The following RAB3C variants were observed in gnomAD, a reference collection of about 807,000 sequenced individuals.
RAB3C encodes ras-related protein Rab-3C.
In RAB3C, 17 loss-of-function variants were observed where a neutral mutation model predicts 26.4. That is an observed-to-expected ratio of 0.64 (90% CI 0.44 to 0.97). The LOEUF (loss-of-function observed/expected upper bound fraction) is 0.97, where lower values mean the gene tolerates loss of function less well. Among genes scored for constraint, RAB3C ranks in the 50% least tolerant of loss-of-function variants. The pLI, the probability that RAB3C is intolerant of heterozygous loss-of-function variation, is 0.00. For missense variants in RAB3C, 242 were observed against 281.9 expected, an observed-to-expected ratio of 0.86 and a Z score of 1.01; for synonymous variants, 91 against 95.9, an observed-to-expected ratio of 0.95 and a Z score of 0.30.
chr5:58,688,549 C>A (rs1748494525), intron 2 of RAB3C, among the ~76,000 whole-genome samples: 1 of 152,088 alleles, frequency 6.6e-6, no homozygotes, highest in Non-Finnish European at 1.5e-5. Context: ...CATAAAGTAA[C>A]AATCTGCTCA....
intron 4 of RAB3C, among the ~76,000 whole-genome samples, chr5:58,832,610 G>A (rs548368754): frequency 6.6e-6 from 1 of 152,296 alleles, no homozygotes; most frequent in African/African-American, 2.4e-5. Flanking sequence ...TTGTAATAGA[G>A]GCATGGACTC....
At chr5:58,728,586 A>G (rs757075246) in intron 3 of RAB3C, among the ~76,000 whole-genome samples, 11 of 152,038 alleles carry the variant, frequency 7.2e-5, no homozygotes, top group Non-Finnish European at 1.6e-4. Flanking sequence ...ACTTCCAGTA[A>G]TATCTTATTA....
At position 58,851,242 on chromosome 5, in the gene RAB3C, G is replaced by A. The variant is rs777452520; in HGVS notation, c.575G>A (p.Cys192Tyr). 1.9e-6 allele frequency: 3 copies of A among 1,613,860 alleles called. No individual in the cohort carries two copies. In the East Asian group the frequency reaches 6.7e-5, roughly 36 times the overall value. Residue 192 changes from cysteine to tyrosine, a missense_variant, in exon 5 of 5, where the codon TGC (cysteine) becomes TAC (tyrosine). Physicochemically the swap from Cys to Tyr is radical, Grantham distance 194 (BLOSUM62 -2). Transcript: ENST00000282878. ...QTFERLVDII[C>Y]DKMSESLETD... ...TTTGAGCGCCTTGTGGATATCATCT[G>A]CGACAAAATGTCAGAGAGTTTGGAG...
At chr5:58,707,884 A>C (rs1048609931) in intron 2 of RAB3C, among the ~76,000 whole-genome samples, 1 of 151,864 alleles carries the variant, frequency 6.6e-6, no homozygotes, top group African/African-American at 2.4e-5. Context: ...ACTAGGATTC[A>C]TTGCTTGGTT....
In RAB3C at chr5:58,761,993, A is replaced by G. The variant is rs550478325; in HGVS notation, c.371+35873A>G. Among the ~76,000 whole-genome samples, 5 of 152,184 alleles carry G rather than the reference A, an allele frequency of 3.3e-5. No homozygotes were observed. The East Asian group carries it at 9.6e-4, about 29-fold the overall frequency. On this transcript the variant is annotated intron_variant, in intron 3 of 4. Transcript: ENST00000282878. ...TTAATTTGCTAGTATGGCATTGACT[A>G]ATAGAAACATCATCTGAGCCACATA...
intron 3 of RAB3C, among the ~76,000 whole-genome samples, chr5:58,744,410 G>T (rs1741345964): frequency 6.6e-6 from 1 of 152,172 alleles, no homozygotes; most frequent in Admixed American, 6.5e-5. Flanking sequence ...GCATGCCTGG[G>T]GTAAATATAT....
rs571777981 is a variant in RAB3C at position 58,631,502 on chromosome 5, G to A, written c.252+13632G>A. The stretch of plus-strand genomic sequence containing the variant: ...TTTAAATTTTAAAATAGTAGTTTGT[G>A]AAGCAAAGGAATGAATGAGCTTTCA... On this transcript the variant is annotated intron_variant, in intron 2 of 4. Transcript: ENST00000282878. Among the ~76,000 whole-genome samples, 10 of 152,276 alleles carry A rather than the reference G, an allele frequency of 6.6e-5. No individual in the cohort carries two copies. In the South Asian group the frequency reaches 1.9e-3, roughly 28 times the overall value.
chr5:58,744,844 G>A (rs898519995), intron 3 of RAB3C, among the ~76,000 whole-genome samples: 1 of 152,088 alleles, frequency 6.6e-6, no homozygotes, highest in Non-Finnish European at 1.5e-5. Context: ...CAATTGAAGG[G>A]TTTTTCCACG....
intron 2 of RAB3C, among the ~76,000 whole-genome samples, chr5:58,618,595 C>T (rs1016454104): frequency 6.6e-6 from 1 of 151,998 alleles, no homozygotes; most frequent in East Asian, 1.9e-4. Context: ...ATTTAGGAGA[C>T]CAGTGAGCAA....
At chr5:58,637,220 C>T (rs1390832438) in intron 2 of RAB3C, among the ~76,000 whole-genome samples, 2 of 151,520 alleles carry the variant, frequency 1.3e-5, no homozygotes, top group Non-Finnish European at 2.9e-5. Context: ...TTTAGTAAGC[C>T]TTTCTGGCTT....
At chr5:58,605,098 G>A (rs1746532172) in intron 1 of RAB3C, among the ~76,000 whole-genome samples, 1 of 152,148 alleles carries the variant, frequency 6.6e-6, no homozygotes, top group Non-Finnish European at 1.5e-5. Context: ...TTCTCCAGTG[G>A]GGTGTGTTTG....
intron 3 of RAB3C, chr5:58,814,835 A>G (rs1222960553): frequency 6.6e-6 from 1 of 152,370 alleles, no homozygotes; most frequent in Non-Finnish European, 1.5e-5. Flanking sequence ...TTAGGAGATC[A>G]GAAGTTGTAA....
intron 2 of RAB3C, among the ~76,000 whole-genome samples, chr5:58,718,309 G>A (rs1301675485): frequency 6.6e-6 from 1 of 152,034 alleles, no homozygotes; most frequent in Non-Finnish European, 1.5e-5. Context: ...TTTTATTAAG[G>A]TCTTGAAGAG....
intron 1 of RAB3C, among the ~76,000 whole-genome samples, chr5:58,613,164 G>A (rs539852592): frequency 2.6e-5 from 4 of 152,152 alleles, no homozygotes; most frequent in African/African-American, 9.6e-5. Context: ...TAGAACTTCT[G>A]GGAAAACAGT....
intron 2 of RAB3C, among the ~76,000 whole-genome samples, chr5:58,624,251 G>A (rs777609199): frequency 1.3e-5 from 2 of 152,108 alleles, no homozygotes; most frequent in Non-Finnish European, 2.9e-5. Flanking sequence ...CAAAAGGCCT[G>A]AGCACAGCAC....
intron 3 of RAB3C, among the ~76,000 whole-genome samples, chr5:58,753,431 C>T (rs537258964): frequency 6.6e-6 from 1 of 152,142 alleles, no homozygotes; most frequent in East Asian, 1.9e-4. Context: ...CATAAGTAAC[C>T]CCTCAGTTAT....
At chr5:58,710,663 A>G in intron 2 of RAB3C, among the ~76,000 whole-genome samples, 1 of 151,808 alleles carries the variant, frequency 6.6e-6, no homozygotes, top group Non-Finnish European at 1.5e-5. Flanking sequence ...AAAAAAGAGA[A>G]GCTTTTCCAA....
chr5:58,680,625 C>T (rs751621976), intron 2 of RAB3C, among the ~76,000 whole-genome samples: 14 of 152,110 alleles, frequency 9.2e-5, no homozygotes, highest in South Asian at 2.1e-4. Context: ...GGCTTCTTTC[C>T]GGCTGGAGGA....
chr5:58,723,733 G>GT (rs1740824239), intron 2 of RAB3C, among the ~76,000 whole-genome samples: 1 of 151,798 alleles, frequency 6.6e-6, no homozygotes, highest in African/African-American at 2.4e-5. Context: ...CAACATGTTA[G>GT]TTTTGCCTCC....
Sources: allele counts gnomAD v4.1 joint callset (sites outside exome capture counted in the v4.1 genomes callset), GRCh38; gene constraint gnomAD v4.1.1; transcripts MANE v1.5; gene names NCBI Gene and HGNC (gene_info 2026-07-23, HGNC 2026-07-21).